Variants in FOXP2 observed in about 807,000 individuals in gnomAD.
FOXP2 encodes forkhead box protein P2.
In FOXP2, 12 loss-of-function variants were observed where a neutral mutation model predicts 115.8. That is an observed-to-expected ratio of 0.10 (90% CI 0.07 to 0.17). The LOEUF is 0.17. Ranked by LOEUF, FOXP2 falls within the 10% of genes least tolerant of loss-of-function variation. FOXP2 has a pLI of 1.00. For missense variants in FOXP2, 629 were observed against 843.5 expected (o/e 0.75, Z 3.15); for synonymous variants, 328 against 297.7 (o/e 1.10, Z -1.05).
intron 2 of FOXP2, among the ~76,000 whole-genome samples, chr7:114,526,991 A>ATTTTTTTTTTTTT (rs200748852): frequency 9.3e-5 from 12 of 128,844 alleles, no homozygotes; most frequent in Non-Finnish European, 8.2e-5. Flanking sequence ...CCACTAATCT[A>ATTTTTTTTTTTTT]TTTTTTTTTT....
chr7:114,385,571 G>C (rs1240109469), intron 2 of FOXP2, among the ~76,000 whole-genome samples: 1 of 152,130 alleles, frequency 6.6e-6, no homozygotes, highest in African/African-American at 2.4e-5. Context: ...AACGTCCGCA[G>C]TAGAAGGGTT....
intron 2 of FOXP2, among the ~76,000 whole-genome samples, chr7:114,443,087 G>T (rs982721672): frequency 2.6e-5 from 4 of 152,158 alleles, no homozygotes; most frequent in African/African-American, 9.7e-5. Flanking sequence ...ATGATGAAAT[G>T]CACATTGTGT....
At chr7:114,397,061 A>G (rs1368100508) in intron 2 of FOXP2, among the ~76,000 whole-genome samples, 1 of 152,116 alleles carries the variant, frequency 6.6e-6, no homozygotes, top group Non-Finnish European at 1.5e-5. Context: ...ATATATACTA[A>G]CATATCTTAT....
intron 7 of FOXP2, 64 bp from the exon 8 acceptor site, chr7:114,644,621 G>A (rs961053168): frequency 1.2e-5 from 17 of 1,360,686 alleles, no homozygotes; most frequent in South Asian, 3.5e-5. Flanking sequence ...CCTGACAGGC[G>A]CTAGCAGCCT....
At chr7:114,289,757 G>A (rs1016139997) in intron 2 of FOXP2, among the ~76,000 whole-genome samples, 2 of 151,894 alleles carry the variant, frequency 1.3e-5, no homozygotes, top group African/African-American at 2.4e-5. Context: ...GCTTATAGTG[G>A]CAGTTTTTAA....
chr7:114,288,895 C>G (rs1486701844), intron 2 of FOXP2, among the ~76,000 whole-genome samples: 3 of 151,694 alleles, frequency 2.0e-5, no homozygotes, highest in Admixed American at 2.0e-4. Context: ...TTTCTTTCCC[C>G]AATCTTTACC....
At chr7:114,549,363 G>A (rs930834149) in intron 3 of FOXP2, among the ~76,000 whole-genome samples, 2 of 152,066 alleles carry the variant, frequency 1.3e-5, no homozygotes, top group East Asian at 3.9e-4. Context: ...TCTTTTCAGG[G>A]TATATTTGAA....
intron 1 of FOXP2, among the ~76,000 whole-genome samples, chr7:114,189,517 G>A (rs1164646900): frequency 3.9e-5 from 6 of 152,082 alleles, no homozygotes; most frequent in African/African-American, 1.2e-4. Flanking sequence ...AGTAGAGTTG[G>A]AGAAAGACTT....
chr7:114,140,632 C>T (rs1792181386), intron 1 of FOXP2, among the ~76,000 whole-genome samples: 1 of 152,188 alleles, frequency 6.6e-6, no homozygotes, highest in Admixed American at 6.5e-5. Context: ...GGTAACTAGG[C>T]TGTTACAGTT....
chr7:114,580,657 A>G (rs1025814015), intron 3 of FOXP2, among the ~76,000 whole-genome samples: 6 of 152,156 alleles, frequency 3.9e-5, no homozygotes, highest in African/African-American at 1.4e-4. Context: ...TTTTAAAAGC[A>G]TGTTGACAAT....
intron 2 of FOXP2, among the ~76,000 whole-genome samples, chr7:114,373,925 G>A (rs988221021): frequency 5.3e-5 from 8 of 152,148 alleles, no homozygotes; most frequent in African/African-American, 1.9e-4. Flanking sequence ...AATTTCAAAA[G>A]TATGCTTTTT....
intron 1 of FOXP2, among the ~76,000 whole-genome samples, chr7:114,188,445 T>A (rs1005322895): frequency 2.6e-5 from 4 of 152,220 alleles, no homozygotes; most frequent in Admixed American, 2.6e-4. Context: ...GGTTTGCTCC[T>A]TATACTTTGG....
At chr7:114,578,401 C>T (rs1022399412) in intron 3 of FOXP2, among the ~76,000 whole-genome samples, 1 of 151,722 alleles carries the variant, frequency 6.6e-6, no homozygotes, top group Admixed American at 6.6e-5. Context: ...CTAAAAGGGG[C>T]CTTATAGTTC....
At chr7:114,655,829 ACCC>A (rs754082095) in intron 10 of FOXP2, among the ~76,000 whole-genome samples, 1 of 152,014 alleles carries the variant, frequency 6.6e-6, no homozygotes, top group Non-Finnish European at 1.5e-5. Context: ...CTATTATATG[ACCC>A]CATTTACTCT....
At chr7:114,384,865 C>G (rs1320005728) in intron 2 of FOXP2, among the ~76,000 whole-genome samples, 2 of 151,750 alleles carry the variant, frequency 1.3e-5, no homozygotes, top group East Asian at 3.9e-4. Context: ...TTTGGCCCAT[C>G]CTTGGTTACT....
chr7:114,654,122 A>C, intron 10 of FOXP2, 113 bp downstream of exon 10: 1 of 1,585,914 alleles, frequency 6.3e-7, no homozygotes, highest in Non-Finnish European at 8.6e-7. Flanking sequence ...AAATACGGCA[A>C]TAAAATGAAA....
chr7:114,133,474 G>T (rs1175561001), intron 1 of FOXP2, among the ~76,000 whole-genome samples: 1 of 152,230 alleles, frequency 6.6e-6, no homozygotes, highest in Non-Finnish European at 1.5e-5. Flanking sequence ...ATCACCAAAG[G>T]TGGGTTCCTA....
intron 1 of FOXP2, among the ~76,000 whole-genome samples, chr7:114,264,972 C>T (rs1045053254): frequency 6.6e-6 from 1 of 152,148 alleles, no homozygotes; most frequent in African/African-American, 2.4e-5. Context: ...AAGCACTTCC[C>T]ACCAGGCCCT....
At chr7:114,161,651 C>T (rs771079726), upstream of FOXP2, among the ~76,000 whole-genome samples, 101 of 148,828 alleles carry the variant, frequency 6.8e-4, no homozygotes, top group African/African-American at 2.0e-3. Context: ...TGTGTGTGTG[C>T]GTGTATATAT....
Sources: allele counts gnomAD v4.1 joint callset (sites outside exome capture counted in the v4.1 genomes callset), GRCh38; gene constraint gnomAD v4.1.1; transcripts MANE v1.5; gene names NCBI Gene and HGNC (gene_info 2026-07-23, HGNC 2026-07-21).